Variants in SAMMSON observed in about 807,000 individuals in gnomAD.
The protein encoded by SAMMSON is survival associated mitochondrial melanoma specific oncogenic non-coding RNA, also known as long intergenic non-protein coding RNA 1212.
At chr3:70,351,933 T>C (rs1023860867) in intron 7 of SAMMSON, among the ~76,000 whole-genome samples, 10 of 151,928 alleles carry the variant, frequency 6.6e-5, no homozygotes, top group Non-Finnish European at 8.8e-5. Flanking sequence ...ACAATATAAA[T>C]GATTTCATCT....
intron 3 of SAMMSON, among the ~76,000 whole-genome samples, chr3:70,057,405 G>A (rs1490062874): frequency 1.3e-5 from 2 of 151,848 alleles, no homozygotes; most frequent in Non-Finnish European, 2.9e-5. Context: ...TTATTCTCGT[G>A]GGACTAACAC....
At chr3:70,058,827 A>G (rs1390444967) in intron 3 of SAMMSON, among the ~76,000 whole-genome samples, 1 of 152,126 alleles carries the variant, frequency 6.6e-6, no homozygotes, top group Non-Finnish European at 1.5e-5. Context: ...TTACAGTTTA[A>G]CAAATCAAGT....
At chr3:70,211,283 G>GCCATT (rs1354029984) in intron 4 of SAMMSON, among the ~76,000 whole-genome samples, 5 of 121,078 alleles carry the variant, frequency 4.1e-5, no homozygotes, top group Admixed American at 4.0e-4. Context: ...CCTTCCCTTT[G>GCCATT]CCCTTCCCTT....
At chr3:70,043,557 T>G (rs1381327132) in intron 3 of SAMMSON, among the ~76,000 whole-genome samples, 2 of 152,108 alleles carry the variant, frequency 1.3e-5, no homozygotes, top group Non-Finnish European at 2.9e-5. Context: ...CTTATGTACA[T>G]TTTCAGAAAC....
At chr3:70,256,460 A>G (rs1051314056) in intron 6 of SAMMSON, among the ~76,000 whole-genome samples, 2 of 152,234 alleles carry the variant, frequency 1.3e-5, no homozygotes, top group Non-Finnish European at 2.9e-5. Flanking sequence ...TTAAGGAGGT[A>G]TATTAACTCT....
intron 9 of SAMMSON, among the ~76,000 whole-genome samples, chr3:70,377,267 T>C (rs1356098173): frequency 2.0e-5 from 3 of 152,178 alleles, no homozygotes; most frequent in Admixed American, 2.0e-4. Flanking sequence ...GGCTATAATT[T>C]AGCCTGATGC....
chr3:70,043,787 A>C (rs2067114233), intron 3 of SAMMSON, among the ~76,000 whole-genome samples: 2 of 152,076 alleles, frequency 1.3e-5, no homozygotes, highest in African/African-American at 2.4e-5. Context: ...GTTTGGGGCC[A>C]ACTAAAGATG....
chr3:70,265,007 G>A (rs1383789651), intron 6 of SAMMSON, among the ~76,000 whole-genome samples: 1 of 152,156 alleles, frequency 6.6e-6, no homozygotes, highest in African/African-American at 2.4e-5. Context: ...AGCATGTGCA[G>A]GGGAACTCCC....
chr3:70,002,739 C>T lies in SAMMSON; in HGVS notation n.22+2872C>T, dbSNP rs184704860. ...GTCAGAGAACATACTCTATATGGTTCCAACCTCTTGAAATTTATTAGGAGT... is the reference window on the plus strand; with the variant it reads ...GTCAGAGAACATACTCTATATGGTTTCAACCTCTTGAAATTTATTAGGAGT... On this transcript the variant is annotated intron_variant and non_coding_transcript_variant, in intron 1 of 9. Transcript: ENST00000642114. 1.5e-3 allele frequency among the ~76,000 whole-genome samples: 223 copies of T among 152,112 alleles called. 1 individual carries two copies. Among genetic ancestry groups the T allele is most frequent in the Middle Eastern group, 0.01 (3 of 294 alleles).
intron 2 of SAMMSON, among the ~76,000 whole-genome samples, chr3:70,405,956 G>A (rs1311495122): frequency 6.6e-6 from 1 of 152,102 alleles, no homozygotes; most frequent in Non-Finnish European, 1.5e-5. Flanking sequence ...TGAGAAAAAG[G>A]CATATTCAAT....
intron 3 of SAMMSON, among the ~76,000 whole-genome samples, chr3:70,057,884 G>C (rs1036155477): frequency 6.6e-6 from 1 of 152,038 alleles, no homozygotes; most frequent in Non-Finnish European, 1.5e-5. Flanking sequence ...TGGGAAATTT[G>C]AGTGGAAAAT....
intron 4 of SAMMSON, among the ~76,000 whole-genome samples, chr3:70,121,396 A>G (rs754859930): frequency 3.3e-4 from 50 of 152,302 alleles, no homozygotes; most frequent in Non-Finnish European, 6.2e-4. Context: ...GTCTAGAAAG[A>G]ACTCTCCATC....
intron 4 of SAMMSON, among the ~76,000 whole-genome samples, chr3:70,127,940 C>T (rs747938507): frequency 6.6e-6 from 1 of 152,220 alleles, no homozygotes; most frequent in Non-Finnish European, 1.5e-5. Flanking sequence ...TGTGCCCAAC[C>T]ATGCCCCACA....
chr3:70,281,274 G>A (rs1289182147), intron 6 of SAMMSON, among the ~76,000 whole-genome samples: 7 of 152,078 alleles, frequency 4.6e-5, no homozygotes, highest in East Asian at 1.9e-4. Flanking sequence ...CCCCAGATTC[G>A]TGTCAATGCC....
At chr3:70,313,714 C>T (rs1051787363) in intron 7 of SAMMSON, among the ~76,000 whole-genome samples, 1 of 152,076 alleles carries the variant, frequency 6.6e-6, no homozygotes, top group Non-Finnish European at 1.5e-5. Flanking sequence ...CATTTCACCT[C>T]GTTTCCTAAC....
intron 4 of SAMMSON, among the ~76,000 whole-genome samples, chr3:70,220,439 T>TA (rs201824803): frequency 1.9e-4 from 28 of 147,578 alleles, no homozygotes; most frequent in Middle Eastern, 3.2e-3. Context: ...CCTTACCTCT[T>TA]AAAAAAAAAA....
intron 4 of SAMMSON, chr3:70,071,964 C>T (rs956543051): frequency 3.3e-5 from 5 of 151,596 alleles, no homozygotes; most frequent in African/African-American, 1.2e-4. Flanking sequence ...TAGACCGCCA[C>T]GTTGTACTCT....
intron 7 of SAMMSON, among the ~76,000 whole-genome samples, chr3:70,317,090 A>T (rs1347161631): frequency 6.6e-6 from 1 of 152,050 alleles, no homozygotes; most frequent in Non-Finnish European, 1.5e-5. Flanking sequence ...TGTTATGGGT[A>T]ATAGGTTTAT....
chr3:70,199,001 A>G (rs1701208869), intron 4 of SAMMSON, among the ~76,000 whole-genome samples: 1 of 152,224 alleles, frequency 6.6e-6, no homozygotes, highest in Non-Finnish European at 1.5e-5. Context: ...GACCACTACT[A>G]TAGCAGTGGC....
Sources: gnomAD v4.1 joint callset for allele counts (sites outside exome capture counted in the v4.1 genomes callset) on GRCh38, gnomAD v4.1.1 for gene constraint, MANE v1.5 for transcripts, NCBI Gene and HGNC (gene_info 2026-07-23, HGNC 2026-07-21) for gene names.